DPP6: variants seen among roughly 807,000 people sequenced by gnomAD.
DPP6 encodes A-type potassium channel modulatory protein DPP6.
A neutral mutation model predicts 122.6 loss-of-function variants in DPP6; 69 were observed. The ratio of observed to expected loss-of-function variants is 0.56; its 90% CI spans 0.46 to 0.69. The LOEUF (loss-of-function observed/expected upper bound fraction) is 0.69. Among genes scored for constraint, DPP6 ranks in the 30% least tolerant of loss-of-function variants. The pLI, the probability that DPP6 is intolerant of heterozygous loss-of-function variation, is 0.00. For missense variants in DPP6, 928 were observed against 1,116.9 expected, an observed-to-expected ratio of 0.83 and a Z score of 2.41; for synonymous variants, 418 against 433.1, an observed-to-expected ratio of 0.97 and a Z score of 0.43.
At chr7:153,964,781 C>T (rs10275643) in intron 1 of DPP6, among the ~76,000 whole-genome samples, 1,143 of 72,268 alleles carry the variant, frequency 0.016, 29 homozygotes, top group African/African-American at 0.057. Flanking sequence ...CTCCGTGGCT[C>T]CTTTCCTTTC....
chr7:154,753,988 TG>T (rs1484691769), intron 8 of DPP6, among the ~76,000 whole-genome samples: 5 of 152,032 alleles, frequency 3.3e-5, no homozygotes, highest in Non-Finnish European at 1.5e-5. Context: ...CGGATATAGT[TG>T]GGCAGAGAAA....
rs565551692 is a variant in DPP6 at position 154,130,144 on chromosome 7, T to C, written c.243+77081T>C. 7.7e-4 allele frequency among the ~76,000 whole-genome samples: 117 copies of C among 151,730 alleles called. 3 individuals are homozygous for C. The South Asian group carries it at 0.024, about 31-fold the overall frequency. The stretch of plus-strand genomic sequence containing the variant: ...AAAAGAAAAGAAAACACAGACAAAT[T>C]CAAAGAGGACATGGAAGCTTAAGCT... On this transcript the variant is annotated intron_variant, in intron 1 of 25. Transcript: ENST00000377770.
intron 1 of DPP6, among the ~76,000 whole-genome samples, chr7:154,297,063 G>GTTTTTTTTTTTTTTT (rs34506058): frequency 2.2e-4 from 27 of 125,232 alleles, no homozygotes; most frequent in Non-Finnish European, 3.5e-4. Context: ...AATGTATTCT[G>GTTTTTTTTTTTTTTT]TTTTTTTTTT....
intron 1 of DPP6, among the ~76,000 whole-genome samples, chr7:154,221,829 G>A (rs970778092): frequency 1.3e-5 from 2 of 152,066 alleles, no homozygotes; most frequent in African/African-American, 4.8e-5. Context: ...TGGGCCGAGG[G>A]CTTTTCAGAG....
the DPP6 span, among the ~76,000 whole-genome samples, chr7:153,872,657 G>C: frequency 0.69 from 105,320 of 152,024 alleles, 36,700 homozygotes; most frequent in African/African-American, 0.77. Flanking sequence ...CATGATGAGC[G>C]ACAAGGTGCT....
intron 1 of DPP6, among the ~76,000 whole-genome samples, chr7:154,365,497 C>T (rs1455310273): frequency 6.6e-6 from 1 of 152,156 alleles, no homozygotes; most frequent in African/African-American, 2.4e-5. Context: ...TGTGAACCAG[C>T]TTGAATCGGA....
chr7:154,057,738 C>G (rs1800983107), intron 1 of DPP6: 1 of 150,538 alleles, frequency 6.6e-6, no homozygotes, highest in Admixed American at 6.6e-5. Context: ...GCAAGTCTTT[C>G]ATTAGTTATA....
At chr7:154,650,463 T>C (rs1327793519) in intron 6 of DPP6, among the ~76,000 whole-genome samples, 2 of 152,206 alleles carry the variant, frequency 1.3e-5, no homozygotes, top group Admixed American at 6.5e-5. Flanking sequence ...CATCTGCACT[T>C]GGACATCCTG....
At chr7:154,248,928 A>G (rs991793025) in intron 1 of DPP6, among the ~76,000 whole-genome samples, 5 of 152,230 alleles carry the variant, frequency 3.3e-5, no homozygotes, top group African/African-American at 1.2e-4. Flanking sequence ...TTCAATGTAT[A>G]TAAATTTTAC....
chr7:154,510,838 G>A (rs1426793327), intron 3 of DPP6, among the ~76,000 whole-genome samples: 1 of 152,006 alleles, frequency 6.6e-6, no homozygotes, highest in African/African-American at 2.4e-5. Flanking sequence ...TTATTTGTAT[G>A]TGAATTATAT....
At chr7:154,230,873 A>G (rs1189252657) in intron 1 of DPP6, among the ~76,000 whole-genome samples, 1 of 152,254 alleles carries the variant, frequency 6.6e-6, no homozygotes, top group Non-Finnish European at 1.5e-5. Context: ...AAAGACAATT[A>G]TAACATAAAA....
At chr7:154,808,256 G>T (rs1798823297) in intron 16 of DPP6, among the ~76,000 whole-genome samples, 1 of 152,158 alleles carries the variant, frequency 6.6e-6, no homozygotes, top group Non-Finnish European at 1.5e-5. Context: ...ATGACTTCAT[G>T]ACTTCGTTCT....
chr7:154,786,105 C>T (rs188876713), intron 10 of DPP6, among the ~76,000 whole-genome samples: 54 of 152,288 alleles, frequency 3.5e-4, no homozygotes, highest in African/African-American at 1.3e-3. Flanking sequence ...TCATAGATCA[C>T]GTGATTTACT....
At chr7:154,165,167 C>T (rs1390886947) in intron 1 of DPP6, among the ~76,000 whole-genome samples, 27 of 144,122 alleles carry the variant, frequency 1.9e-4, no homozygotes, top group Admixed American at 1.7e-3. Context: ...TCCCCCCAAC[C>T]CACAACAGTC....
intron 1 of DPP6, among the ~76,000 whole-genome samples, chr7:153,976,933 C>T (rs985037707): frequency 6.6e-6 from 1 of 152,188 alleles, no homozygotes; most frequent in Non-Finnish European, 1.5e-5. Flanking sequence ...GCTCTGTGGC[C>T]TGGGACCTCA....
Position 154,818,600 on chromosome 7 carries a change from C to A in DPP6, c.1666+11488C>A, listed in dbSNP as rs1799563836. Among the ~76,000 whole-genome samples the A allele has an allele frequency of 2.6e-5, 4 of 152,316 alleles. No individual in the cohort carries two copies. In the South Asian group the frequency reaches 8.3e-4, roughly 32 times the overall value. On this transcript the variant is annotated intron_variant, in intron 16 of 25. Coordinates refer to ENST00000377770, the MANE Select transcript of DPP6 (RefSeq NM_130797.4). ...GTAGGGTGCTATTGACTCCCAACAG[C>A]AAATTTGAAAACAAATGGTTTGGTT...
intron 1 of DPP6, among the ~76,000 whole-genome samples, chr7:154,028,393 G>A (rs1353624859): frequency 2.6e-5 from 4 of 151,544 alleles, no homozygotes; most frequent in Non-Finnish European, 4.4e-5. Flanking sequence ...ATCCCAGCCC[G>A]GCCCTACTGG....
chr7:154,411,737 C>T (rs1563625169), intron 1 of DPP6, among the ~76,000 whole-genome samples: 1 of 152,040 alleles, frequency 6.6e-6, no homozygotes, highest in African/African-American at 2.4e-5. Context: ...TGTTTATAGG[C>T]CGTTATTAAT....
At chr7:153,771,536 C>T in the DPP6 span, among the ~76,000 whole-genome samples, 1 of 152,088 alleles carries the variant, frequency 6.6e-6, no homozygotes, top group Non-Finnish European at 1.5e-5. Context: ...GACAAGGTTT[C>T]ACCATGTTGG....
Sources: gnomAD v4.1 joint callset for allele counts (sites outside exome capture counted in the v4.1 genomes callset) on GRCh38, gnomAD v4.1.1 for gene constraint, MANE v1.5 for transcripts, NCBI Gene and HGNC (gene_info 2026-07-23, HGNC 2026-07-21) for gene names.